The following DEF8 variants were observed in gnomAD, a reference collection of about 807,000 sequenced individuals.
The protein encoded by DEF8 is DEF-8.
Under a neutral mutation model 59.1 loss-of-function variants are expected in DEF8, and 38 were observed. The ratio of observed to expected loss-of-function variants is 0.64; its 90% CI spans 0.50 to 0.84. The LOEUF (loss-of-function observed/expected upper bound fraction) is 0.84. Ranked by LOEUF, DEF8 falls within the 40% of genes least tolerant of loss-of-function variation. The pLI, the probability that DEF8 is intolerant of heterozygous loss-of-function variation, is 0.00. For missense variants in DEF8, 557 were observed against 615.2 expected, an observed-to-expected ratio of 0.91 and a Z score of 1.00; for synonymous variants, 265 against 250.1, an observed-to-expected ratio of 1.06 and a Z score of -0.56.
At position 89,957,618 on chromosome 16, in the gene DEF8, G is replaced by A; in HGVS notation, c.330G>A (p.Val110=). The A allele has an allele frequency of 1.3e-6, 2 of 1,577,982 alleles. No homozygotes were observed. Among genetic ancestry groups the A allele is most frequent in the Non-Finnish European group, 8.6e-7 (1 of 1,162,292 alleles). ...AGTCGGAGAAGCAGAAGGATGCCGT[G>A]GTGCGACTCATCCACCTCCGGCTGA... is the stretch of plus-strand genomic sequence containing the variant. ...PEQSEKQKDA[V]VRLIHLRLKL... Residue 110 remains valine (V), a synonymous_variant, in exon 5 of 13, where the codon GTG becomes GTA. Transcript: ENST00000563594.
chr16:89,952,373 C>T (rs938311604), intron 2 of DEF8, among the ~76,000 whole-genome samples: 6 of 152,124 alleles, frequency 3.9e-5, no homozygotes, highest in East Asian at 1.9e-4. Flanking sequence ...AGGGAGAACA[C>T]GTACTTCCTG....
chr16:89,955,828 T>C (rs2151162665), intron 4 of DEF8, among the ~76,000 whole-genome samples: 1 of 152,118 alleles, frequency 6.6e-6, no homozygotes, highest in East Asian at 1.9e-4. Context: ...ATCCCAGCAC[T>C]TTGGGAGGCT....
chr16:89,955,346 C>T (rs2032980131), intron 4 of DEF8, 80 bp downstream of exon 4: 1 of 1,212,002 alleles, frequency 8.3e-7, no homozygotes. Flanking sequence ...TTGTCACTCC[C>T]TCCCAGGTGG....
chr16:89,950,313 C>G (rs1380275791), intron 2 of DEF8: 10 of 985,356 alleles, frequency 1.0e-5, no homozygotes, highest in Non-Finnish European at 2.4e-6. Flanking sequence ...CTTAGCCCTT[C>G]CATCCACCCC....
intron 2 of DEF8, among the ~76,000 whole-genome samples, chr16:89,951,016 T>G (rs2031953132): frequency 6.6e-6 from 1 of 152,166 alleles, no homozygotes; most frequent in East Asian, 1.9e-4. Flanking sequence ...TAATCAATAT[T>G]TATTGGGTGC....
chr16:89,949,722 C>T, intron 2 of DEF8: 8 of 1,335,438 alleles, frequency 6.0e-6, no homozygotes. Context: ...GGCTTCCTTT[C>T]ATTGCTAAGT....
chr16:89,966,173 G>A lies in DEF8; in HGVS notation c.*210G>A. On this transcript the variant is annotated 3_prime_UTR_variant, in exon 13 of 13. Transcript: ENST00000563594. ...GGCTGCACCTGGCTGTCACCTGGGT[G>A]TGCTGCTGTGAGGGGTCCTTGCGTG... 1.9e-6 allele frequency: 1 copy of A among 519,604 alleles called. No homozygotes were observed. The highest frequency in any genetic ancestry group is 3.5e-6 in the Non-Finnish European group (1 of 284,896). 32.2% of individuals were successfully genotyped at this position (519,604 alleles called of 1,614,324 possible). A position where few individuals can be genotyped will look rare whatever the true frequency, so the allele number is the denominator to read the frequency against.
intron 7 of DEF8, 137 bp from the exon 8 acceptor site, chr16:89,961,600 G>A: frequency 1.9e-6 from 2 of 1,070,890 alleles, no homozygotes; most frequent in Non-Finnish European, 2.7e-6. Flanking sequence ...GACCACCTGA[G>A]GTCTTCCGGC....
rs915673805 is a variant in DEF8 at position 89,949,413 on chromosome 16, G to A, written c.-107-4G>A. On this transcript the variant is annotated splice_region_variant and splice_polypyrimidine_tract_variant and intron_variant, in intron 1 of 12. Coordinates refer to ENST00000563594, the MANE Select transcript of DEF8 (RefSeq NM_001242818.2). The stretch of plus-strand genomic sequence containing the variant: ...CACAGTGCTGGGGTGGCTTCTCCCT[G>A]CAGCAGGTGCCGAACCCACGGCCAG... 4 of 1,601,414 alleles carry A rather than the reference G, an allele frequency of 2.5e-6. No homozygotes were observed. The highest frequency in any genetic ancestry group is 3.4e-6 in the Non-Finnish European group (4 of 1,176,568).
At chr16:89,949,939 C>G in intron 2 of DEF8, 5 of 842,640 alleles carry the variant, frequency 5.9e-6, no homozygotes, top group Admixed American at 4.5e-5. Flanking sequence ...ATCCCCAGGT[C>G]TGTGTGAGCA....
rs2151214348 is a variant in DEF8 at position 89,963,459 on chromosome 16, G to A, written c.1002+16G>A. 1.2e-6 allele frequency: 2 copies of A among 1,609,018 alleles called. No individual in the cohort carries two copies. Among genetic ancestry groups the A allele is most frequent in the Non-Finnish European group, 1.7e-6 (2 of 1,177,218 alleles). Reference sequence around the variant, plus strand: ...GCTGCTGCAGGTCAGACTGCCAGCAGGACTGGCCCCCGATGGGAAGCGCAG... The same window carrying A: ...GCTGCTGCAGGTCAGACTGCCAGCAAGACTGGCCCCCGATGGGAAGCGCAG... On this transcript the variant is annotated intron_variant, in intron 10 of 12. Coordinates refer to ENST00000563594, the MANE Select transcript of DEF8 (RefSeq NM_001242818.2).
intron 7 of DEF8, 42 bp downstream of exon 7, chr16:89,961,137 C>G (rs1233393514): frequency 6.3e-7 from 1 of 1,589,994 alleles, no homozygotes; most frequent in Non-Finnish European, 8.6e-7. Flanking sequence ...GGAGCTGTTC[C>G]TGGCGGGGAG....
Position 89,954,406 on chromosome 16 carries a change from C to T in DEF8, c.124+30C>T. ...GTGCTGGTGGGAGTCAGGGTGGGAG[C>T]TGGGCAGGTCTCTGACTGCTTACGT... On this transcript the variant is annotated intron_variant, in intron 3 of 12. Coordinates refer to ENST00000563594, the MANE Select transcript of DEF8 (RefSeq NM_001242818.2). This position sits in a 1 kb window ranked among gnomAD's most constrained non-coding sequence, Gnocchi z 4.3. 1 of 1,607,332 alleles carries T rather than the reference C, an allele frequency of 6.2e-7. No homozygotes were observed. Among genetic ancestry groups the T allele is most frequent in the Admixed American group, 1.7e-5 (1 of 59,262 alleles).
In DEF8 at chr16:89,964,686, C is replaced by A. The variant is rs1243062398; in HGVS notation, c.1253+111C>A. ...TGCCGTGGGAGCTGGCACTGCTCCC[C>A]CGAGAAAGGGGAGACATAAAGACTC... On this transcript the variant is annotated intron_variant, in intron 12 of 12. Transcript: ENST00000563594. 19 of 745,188 alleles carry A rather than the reference C, an allele frequency of 2.5e-5. No homozygotes were observed. In the Admixed American group the frequency reaches 4.0e-4, roughly 16 times the overall value. The allele number at this position is 745,188 out of a possible 1,614,324, so 46.2% of individuals were successfully genotyped here. A position where few individuals can be genotyped will look rare whatever the true frequency, so the allele number is the denominator to read the frequency against.
At chr16:89,961,530 C>T (rs1004213753) in intron 7 of DEF8, among the ~76,000 whole-genome samples, 1 of 152,134 alleles carries the variant, frequency 6.6e-6, no homozygotes, top group Non-Finnish European at 1.5e-5. Context: ...CTCGGTCCTA[C>T]AGTGAGGCCC....
chr16:89,963,347 C>G lies in DEF8; in HGVS notation c.922-16C>G, dbSNP rs1399287624. ...TCCTGGCTGAGGAGGCCTGCCTGCT[C>G]CCGCCTTGTTTGCAGAAGCTGCGCC... is the stretch of plus-strand genomic sequence containing the variant. On this transcript the variant is annotated splice_polypyrimidine_tract_variant and intron_variant, in intron 9 of 12. Transcript: ENST00000563594. The G allele has an allele frequency of 6.2e-7, 1 of 1,612,242 alleles. No homozygotes were observed. The highest frequency in any genetic ancestry group is 1.1e-5 in the South Asian group (1 of 90,880).
At chr16:89,952,477 C>T (rs1372432221) in intron 2 of DEF8, 1 of 152,266 alleles carries the variant, frequency 6.6e-6, no homozygotes, top group East Asian at 1.9e-4. Context: ...CCGAGGGGGT[C>T]AGAACAGTCA....
chr16:89,952,727 G>A (rs2032401706), intron 2 of DEF8: 1 of 152,274 alleles, frequency 6.6e-6, no homozygotes. Flanking sequence ...CACGTTCCCT[G>A]TGTCTTCCCC....
chr16:89,957,477 G>T, intron 4 of DEF8, 34 bp from the exon 5 acceptor site: 2 of 1,554,486 alleles, frequency 1.3e-6, no homozygotes, highest in African/African-American at 1.4e-5. Flanking sequence ...CTGCAGGATG[G>T]GCCTTTGACT....
Sources: gnomAD v4.1 joint callset for allele counts (sites outside exome capture counted in the v4.1 genomes callset) on GRCh38, gnomAD v4.1.1 for gene constraint, Gnocchi (gnomAD v3.1) non-coding constraint, MANE v1.5 for transcripts, NCBI Gene and HGNC (gene_info 2026-07-23, HGNC 2026-07-21) for gene names.